Variants in MYPN observed in about 807,000 individuals in gnomAD.
The protein encoded by MYPN is sarcomeric protein myopalladin, 145 kDa (MYOP).
MYPN carries 63 observed loss-of-function variants against 129.4 expected under a neutral mutation model. The ratio of observed to expected loss-of-function variants is 0.49; its 90% CI spans 0.40 to 0.60. MYPN has a LOEUF of 0.60. MYPN is among the 20% of genes least tolerant of loss of function. The pLI, the probability that MYPN is intolerant of heterozygous loss-of-function variation, is 0.00. For missense variants in MYPN, 1,596 were observed against 1,635.4 expected (o/e 0.98, Z 0.42); for synonymous variants, 629 against 600.9 (o/e 1.05, Z -0.68).
intron 14 of MYPN, 46 bp downstream of exon 14, chr10:68,194,558 C>G: frequency 6.3e-7 from 1 of 1,599,118 alleles, no homozygotes; most frequent in East Asian, 2.2e-5. Flanking sequence ...GAGGAAGGAG[C>G]GGTTGATGTC....
intron 12 of MYPN, among the ~76,000 whole-genome samples, chr10:68,183,526 C>T (rs1008783970): frequency 3.3e-5 from 5 of 152,094 alleles, no homozygotes; most frequent in South Asian, 2.1e-4. Flanking sequence ...TTCATCTTTC[C>T]CTGTAATAAC....
At chr10:68,131,469 A>AT (rs34747695) in intron 2 of MYPN, among the ~76,000 whole-genome samples, 56,845 of 151,790 alleles carry the variant, frequency 0.37, 11,921 homozygotes, top group East Asian at 0.67. Context: ...ATTTAGGGGA[A>AT]TTGACATCTT....
intron 3 of MYPN, among the ~76,000 whole-genome samples, chr10:68,143,335 GA>G (rs1284494924): frequency 6.6e-6 from 1 of 152,074 alleles, no homozygotes; most frequent in Non-Finnish European, 1.5e-5. Context: ...TAAAATATAT[GA>G]TATGATAGGT....
chr10:68,206,938 C>T (rs762226079), intron 19 of MYPN, 35 bp downstream of exon 19: 2 of 1,613,478 alleles, frequency 1.2e-6, no homozygotes, highest in Non-Finnish European at 1.7e-6. Context: ...CATCTGTATG[C>T]AACTGACAGC....
At chr10:68,097,900 T>G (rs1414465333) in intron 1 of MYPN, among the ~76,000 whole-genome samples, 1 of 152,222 alleles carries the variant, frequency 6.6e-6, no homozygotes, top group Non-Finnish European at 1.5e-5. Flanking sequence ...TGATGTCCCT[T>G]TCTTAAATTT....
At chr10:68,136,533 C>A in intron 2 of MYPN, 2 of 1,418,206 alleles carry the variant, frequency 1.4e-6, no homozygotes, top group Middle Eastern at 1.8e-4. Context: ...CCAGCCTGAT[C>A]CCTGCCTAAT....
intron 2 of MYPN, among the ~76,000 whole-genome samples, chr10:68,125,016 C>T (rs2042303907): frequency 6.6e-6 from 1 of 152,120 alleles, no homozygotes; most frequent in African/African-American, 2.4e-5. Context: ...CTGTCCAATC[C>T]ATTAGTTTCT....
At chr10:68,140,015 G>A (rs2042550071) in intron 2 of MYPN, among the ~76,000 whole-genome samples, 1 of 152,180 alleles carries the variant, frequency 6.6e-6, no homozygotes, top group South Asian at 2.1e-4. Context: ...AATGACTGAG[G>A]ATAAGGGGGC....
At chr10:68,102,109 C>T (rs2133946134), upstream of MYPN, among the ~76,000 whole-genome samples, 2 of 140,926 alleles carry the variant, frequency 1.4e-5, no homozygotes, top group South Asian at 2.2e-4. Context: ...TTTCAGGGAT[C>T]TATTTCTCTC....
intron 1 of MYPN, among the ~76,000 whole-genome samples, chr10:68,095,045 A>T (rs1232859976): frequency 6.6e-6 from 1 of 152,094 alleles, no homozygotes. Flanking sequence ...TGGGCTACAG[A>T]GGGAGACTTT....
intron 10 of MYPN, among the ~76,000 whole-genome samples, 161 bp downstream of exon 10, chr10:68,166,827 G>A (rs952938777): frequency 2.6e-5 from 4 of 151,964 alleles, no homozygotes; most frequent in African/African-American, 4.8e-5. Context: ...CCAGGAATTC[G>A]AGACCAGCCG....
At chr10:68,180,313 G>A (rs1321153459) in intron 12 of MYPN, among the ~76,000 whole-genome samples, 4 of 152,154 alleles carry the variant, frequency 2.6e-5, no homozygotes, top group Non-Finnish European at 5.9e-5. Flanking sequence ...AGACCTCCAA[G>A]TAGATGGGAC....
chr10:68,153,557 G>A (rs1055841970), intron 6 of MYPN, among the ~76,000 whole-genome samples: 2 of 152,272 alleles, frequency 1.3e-5, no homozygotes, highest in African/African-American at 4.8e-5. Context: ...AGCCTCGTCA[G>A]GATATGTGCT....
chr10:68,139,601 T>C (rs1300572104), intron 2 of MYPN, among the ~76,000 whole-genome samples: 1 of 152,212 alleles, frequency 6.6e-6, no homozygotes, highest in Non-Finnish European at 1.5e-5. Context: ...GCTCTGAGGA[T>C]TTGTTTGTAC....
At chr10:68,119,222 A>G (rs1219546834) in intron 1 of MYPN, among the ~76,000 whole-genome samples, 1 of 152,082 alleles carries the variant, frequency 6.6e-6, no homozygotes, top group Non-Finnish European at 1.5e-5. Context: ...TGTATTATTC[A>G]CTGTTCCATG....
At chr10:68,158,423 C>A (rs1044092172) in intron 6 of MYPN, 63 bp from the exon 7 acceptor site, 58 of 1,531,886 alleles carry the variant, frequency 3.8e-5, no homozygotes, top group Non-Finnish European at 5.0e-5. Flanking sequence ...AAATTCAACA[C>A]CGAAACTAGA....
intron 13 of MYPN, among the ~76,000 whole-genome samples, chr10:68,192,459 G>GTTGTTGTTGT (rs140622914): frequency 0.053 from 8,066 of 151,768 alleles, 243 homozygotes; most frequent in Middle Eastern, 0.065. Context: ...CTGTAGTTCT[G>GTTGTTGTTGT]TTGTTGTTGT....
chr10:68,090,475 C>T (rs2041925965), intron 1 of MYPN, among the ~76,000 whole-genome samples: 1 of 152,132 alleles, frequency 6.6e-6, no homozygotes, highest in South Asian at 2.1e-4. Flanking sequence ...TCAATGAGCA[C>T]TTATTAAAAC....
upstream of MYPN, among the ~76,000 whole-genome samples, chr10:68,102,879 T>C (rs920456829): frequency 3.3e-5 from 5 of 152,252 alleles, no homozygotes; most frequent in African/African-American, 1.2e-4. Flanking sequence ...CATTATCTGC[T>C]TACTTATCCC....
Sources: gnomAD v4.1 joint callset for allele counts (sites outside exome capture counted in the v4.1 genomes callset) on GRCh38, gnomAD v4.1.1 for gene constraint, MANE v1.5 for transcripts, NCBI Gene and HGNC (gene_info 2026-07-23, HGNC 2026-07-21) for gene names.